Variants in CTXND1 observed in about 807,000 individuals in gnomAD.
CTXND1 encodes the protein cortexin domain-containing 1 protein.
At chr15:80,202,151 G>A in intron 2 of CTXND1, 137 bp from the exon 3 acceptor site, 1 of 386,024 alleles carries the variant, frequency 2.6e-6, no homozygotes. Flanking sequence ...CCTGCAGGAG[G>A]GTAGGAGGGG....
intron 1 of CTXND1, among the ~76,000 whole-genome samples, chr15:80,207,856 G>T (rs1893166721): frequency 1.3e-5 from 2 of 152,172 alleles, no homozygotes; most frequent in Admixed American, 1.3e-4. Context: ...TGAGATCCTG[G>T]GATGTTTACT....
At chr15:80,211,326 C>A (rs1347873143) in intron 1 of CTXND1, among the ~76,000 whole-genome samples, 1 of 152,204 alleles carries the variant, frequency 6.6e-6, no homozygotes, top group Non-Finnish European at 1.5e-5. Context: ...TCCGAGTTGA[C>A]CATGTGCAAT....
At chr15:80,223,213 G>C (rs118059571) in intron 1 of CTXND1, among the ~76,000 whole-genome samples, 2 of 152,142 alleles carry the variant, frequency 1.3e-5, no homozygotes, top group African/African-American at 4.8e-5. Flanking sequence ...GTGCCACCAT[G>C]TCCGGCTAAT....
At chr15:80,218,941 T>TA (rs888715514) in intron 1 of CTXND1, among the ~76,000 whole-genome samples, 10 of 151,332 alleles carry the variant, frequency 6.6e-5, no homozygotes, top group African/African-American at 2.4e-4. Context: ...TGTGATTTTT[T>TA]TTTTTTTTGA....
chr15:80,226,038 G>A (rs1893367953), intron 1 of CTXND1, among the ~76,000 whole-genome samples: 2 of 152,198 alleles, frequency 1.3e-5, no homozygotes, highest in African/African-American at 4.8e-5. Flanking sequence ...GAAGCAATAG[G>A]TGGGTTTTAT....
rs1308330749 is a variant in CTXND1 at position 80,198,331 on chromosome 15, T to C, written c.*3439A>G. On this transcript the variant is annotated 3_prime_UTR_variant, in exon 3 of 3. Transcript: ENST00000560778. ...GAAAACCCACCACCCATTCTCTGCT[T>C]TGGAGAGTTCCTCTCCAGCCTGTGT... The C allele has an allele frequency of 6.6e-6, 1 of 152,290 alleles. No individual in the cohort carries two copies. The highest frequency in any genetic ancestry group is 1.9e-4 in the East Asian group (1 of 5,200). The allele number at this position is 152,290 out of a possible 1,614,324, so 9.4% of individuals were successfully genotyped here. A position where few individuals can be genotyped will look rare whatever the true frequency, so the allele number is the denominator to read the frequency against.
intron 1 of CTXND1, among the ~76,000 whole-genome samples, chr15:80,239,361 A>G (rs1163731224): frequency 6.6e-6 from 1 of 152,238 alleles, no homozygotes; most frequent in East Asian, 1.9e-4. Flanking sequence ...GATACAAAGT[A>G]TTGATCCTAG....
At chr15:80,250,901 G>A (rs927086958) in intron 1 of CTXND1, among the ~76,000 whole-genome samples, 1 of 152,164 alleles carries the variant, frequency 6.6e-6, no homozygotes, top group Admixed American at 6.5e-5. Flanking sequence ...GAGGGTGAGG[G>A]AAGTATAGAA....
At chr15:80,208,493 C>A (rs559723831) in intron 1 of CTXND1, among the ~76,000 whole-genome samples, 2 of 152,190 alleles carry the variant, frequency 1.3e-5, no homozygotes, top group African/African-American at 4.8e-5. Flanking sequence ...AAATTTAAGA[C>A]CTAGAAAAGT....
chr15:80,244,326 G>A (rs1217004264), intron 1 of CTXND1, among the ~76,000 whole-genome samples: 2 of 152,180 alleles, frequency 1.3e-5, no homozygotes, highest in African/African-American at 4.8e-5. Flanking sequence ...TGCTGTCAAA[G>A]GATGTATCAA....
chr15:80,231,105 A>AT (rs749247496), intron 1 of CTXND1, among the ~76,000 whole-genome samples: 4,261 of 146,280 alleles, frequency 0.029, 175 homozygotes, highest in African/African-American at 0.094. Context: ...GCATTTAGAG[A>AT]TTTTTTTTTT....
In CTXND1 at chr15:80,196,388, A is replaced by T. The variant is rs998743388; in HGVS notation, c.*5382T>A. On this transcript the variant is annotated 3_prime_UTR_variant, in exon 3 of 3. Transcript: ENST00000560778. ...ATGAAGATTTGGGTCATTCCACCAG[A>T]TAAAATTCTCCAACAGCTAAGGGAC... 6.6e-6 allele frequency: 1 copy of T among 152,236 alleles called. No individual in the cohort carries two copies. Among genetic ancestry groups the T allele is most frequent in the Admixed American group, 6.5e-5 (1 of 15,286 alleles). The allele number at this position is 152,236 out of a possible 1,614,324, so 9.4% of individuals were successfully genotyped here. A position where few individuals can be genotyped will look rare whatever the true frequency, so the allele number is the denominator to read the frequency against.
intron 1 of CTXND1, among the ~76,000 whole-genome samples, chr15:80,242,401 G>A (rs923814113): frequency 3.3e-5 from 5 of 152,250 alleles, no homozygotes; most frequent in African/African-American, 1.2e-4. Context: ...AGGAAGGGGA[G>A]GCAGAGATAT....
intron 1 of CTXND1, among the ~76,000 whole-genome samples, chr15:80,226,515 A>T (rs1328023427): frequency 6.6e-6 from 1 of 152,092 alleles, no homozygotes; most frequent in East Asian, 1.9e-4. Context: ...GCTCTGCCTC[A>T]TTTAGGAGTC....
intron 1 of CTXND1, among the ~76,000 whole-genome samples, chr15:80,237,710 G>T (rs1205399040): frequency 6.6e-6 from 1 of 152,106 alleles, no homozygotes; most frequent in African/African-American, 2.4e-5. Context: ...TTACAAAACA[G>T]TCAAAAAGTT....
At chr15:80,205,128 T>C (rs1360471349) in intron 1 of CTXND1, among the ~76,000 whole-genome samples, 2 of 152,222 alleles carry the variant, frequency 1.3e-5, no homozygotes, top group Non-Finnish European at 2.9e-5. Flanking sequence ...TCCACATCTT[T>C]TAAAATTTAA....
At chr15:80,236,157 A>G (rs1424706766) in intron 1 of CTXND1, among the ~76,000 whole-genome samples, 1 of 151,564 alleles carries the variant, frequency 6.6e-6, no homozygotes, top group Non-Finnish European at 1.5e-5. Flanking sequence ...TTCTCACTGC[A>G]TTTGAAAAAG....
At chr15:80,204,669 A>ATATATATG (rs1893129049) in intron 1 of CTXND1, among the ~76,000 whole-genome samples, 3 of 135,714 alleles carry the variant, frequency 2.2e-5, no homozygotes, top group African/African-American at 8.8e-5. Context: ...ATATATATAT[A>ATATATATG]TATACCACAT....
intron 1 of CTXND1, among the ~76,000 whole-genome samples, chr15:80,234,230 T>A (rs1312462155): frequency 6.6e-5 from 10 of 152,296 alleles, no homozygotes; most frequent in African/African-American, 2.4e-4. Flanking sequence ...ACGGATTGAT[T>A]ATGGAAACCT....
Sources: allele counts gnomAD v4.1 joint callset (sites outside exome capture counted in the v4.1 genomes callset), GRCh38; gene constraint gnomAD v4.1.1; transcripts MANE v1.5; gene names NCBI Gene and HGNC (gene_info 2026-07-23, HGNC 2026-07-21).